The following DDHD1 variants were observed in gnomAD, a reference collection of about 807,000 sequenced individuals.
The protein encoded by DDHD1 is DDHD domain containing 1.
DDHD1 carries 49 observed loss-of-function variants against 96.4 expected under a neutral mutation model. The ratio of observed to expected loss-of-function variants is 0.51; its 90% CI spans 0.40 to 0.64. The LOEUF (loss-of-function observed/expected upper bound fraction) is 0.64, where lower values mean the gene tolerates loss of function less well. Ranked by LOEUF, DDHD1 falls within the 30% of genes least tolerant of loss-of-function variation. DDHD1 has a pLI of 0.00. For missense variants in DDHD1, 1,106 were observed against 1,161.2 expected (o/e 0.95, Z 0.69); for synonymous variants, 442 against 446.5 (o/e 0.99, Z 0.13).
chr14:53,094,843 CAAAAAAA>C (rs35080055), intron 2 of DDHD1, among the ~76,000 whole-genome samples: 4,665 of 141,326 alleles, frequency 0.033, 245 homozygotes, highest in African/African-American at 0.11. Context: ...GATCCTGTCT[CAAAAAAA>C]AAAAAAAAAT....
intron 2 of DDHD1, 59 bp downstream of exon 2, chr14:53,103,624 A>G (rs1887475705): frequency 7.3e-7 from 1 of 1,377,374 alleles, no homozygotes; most frequent in Non-Finnish European, 9.7e-7. Flanking sequence ...AACCACTCTA[A>G]ACTTTATCAA....
chr14:53,103,569 A>G (rs1887470799), intron 2 of DDHD1, 114 bp downstream of exon 2: 1 of 882,398 alleles, frequency 1.1e-6, no homozygotes, highest in Non-Finnish European at 1.6e-6. Flanking sequence ...AAAAAAATCA[A>G]ATTTTCTAAT....
At chr14:53,082,627 C>T (rs558230429) in intron 4 of DDHD1, among the ~76,000 whole-genome samples, 57 of 151,374 alleles carry the variant, frequency 3.8e-4, no homozygotes, top group African/African-American at 1.1e-3. Context: ...GGTGTGGTGA[C>T]GTGTGACTGT....
At chr14:53,059,028 G>A (rs1883305377) in intron 8 of DDHD1, among the ~76,000 whole-genome samples, 1 of 152,204 alleles carries the variant, frequency 6.6e-6, no homozygotes, top group South Asian at 2.1e-4. Context: ...TAAAATACGT[G>A]CATAACAGAG....
chr14:53,149,623 G>C (rs1206679113), intron 1 of DDHD1, among the ~76,000 whole-genome samples: 1 of 152,152 alleles, frequency 6.6e-6, no homozygotes, highest in Non-Finnish European at 1.5e-5. Context: ...GCTTATACAA[G>C]GGCTTGGACA....
chr14:53,140,831 T>C lies in DDHD1; in HGVS notation c.838+11430A>G, dbSNP rs1019982766. Among the ~76,000 whole-genome samples the C allele has an allele frequency of 8.5e-5, 13 of 152,218 alleles. No homozygotes were observed. The South Asian group carries it at 2.7e-3, about 32-fold the overall frequency. On this transcript the variant is annotated intron_variant, in intron 1 of 12. Coordinates refer to ENST00000673822, the MANE Select transcript of DDHD1 (RefSeq NM_001160148.2). ...ATTTTAAAAAGCAAGACCCAACAGA[T>C]AGGTAAAGACACATACAGGTTTAAA...
chr14:53,109,486 G>A (rs1887948063), intron 1 of DDHD1, among the ~76,000 whole-genome samples: 1 of 152,144 alleles, frequency 6.6e-6, no homozygotes, highest in African/African-American at 2.4e-5. Context: ...CCATTGTAAT[G>A]TGCTATTTCC....
chr14:53,147,143 C>G (rs1401051245), intron 1 of DDHD1, among the ~76,000 whole-genome samples: 1 of 152,128 alleles, frequency 6.6e-6, no homozygotes, highest in Non-Finnish European at 1.5e-5. Context: ...CTTTCCTCCC[C>G]CAGTGTCCAT....
At chr14:53,124,168 G>A (rs1595223046) in intron 1 of DDHD1, among the ~76,000 whole-genome samples, 1 of 151,816 alleles carries the variant, frequency 6.6e-6, no homozygotes, top group East Asian at 1.9e-4. Context: ...CTGGGAGGCA[G>A]AGGTTACAGT....
intron 1 of DDHD1, among the ~76,000 whole-genome samples, chr14:53,112,654 T>C (rs764961420): frequency 2.0e-5 from 3 of 152,228 alleles, no homozygotes; most frequent in Non-Finnish European, 2.9e-5. Flanking sequence ...ATACTTATAA[T>C]CTGCTTAAAA....
intron 1 of DDHD1, among the ~76,000 whole-genome samples, chr14:53,109,252 G>A (rs1314632587): frequency 6.6e-6 from 1 of 152,154 alleles, no homozygotes; most frequent in Admixed American, 6.5e-5. Context: ...CTCTGAAGCT[G>A]CTGCTTGTGG....
chr14:53,100,235 G>A (rs140971048), intron 2 of DDHD1, among the ~76,000 whole-genome samples: 4 of 152,054 alleles, frequency 2.6e-5, no homozygotes, highest in African/African-American at 7.2e-5. Flanking sequence ...GGCACTTTGT[G>A]GGGGCTGAAG....
chr14:53,141,911 C>T (rs75928552), intron 1 of DDHD1, among the ~76,000 whole-genome samples: 113 of 152,158 alleles, frequency 7.4e-4, no homozygotes, highest in Non-Finnish European at 1.3e-3. Flanking sequence ...ACCCCAAATA[C>T]AACAGGTTTA....
At chr14:53,091,747 C>A (rs772593006) in intron 4 of DDHD1, 38 bp downstream of exon 4, 1 of 1,595,416 alleles carries the variant, frequency 6.3e-7, no homozygotes, top group South Asian at 1.1e-5. Context: ...AGTTTGGATT[C>A]TAGATTAGAT....
Position 53,046,935 on chromosome 14 carries a change from T to C in DDHD1, c.2536A>G (p.Arg846Gly). ...CCTTCTCTGAGTTCAAAATCAATCCTGTGATCCAACTCCACTAAAAAGAAA... is the reference window on the plus strand; with the variant it reads ...CCTTCTCTGAGTTCAAAATCAATCCCGTGATCCAACTCCACTAAAAAGAAA... The part of the protein sequence containing the change: ...KDNALVELDH[R>G]IDFELREGLV... The change falls in exon 13 of 13, where the codon AGG becomes GGG. Residue 846 changes from arginine (R) to glycine (G), a missense_variant. Physicochemically the swap from Arg to Gly is moderately radical, Grantham distance 125. Transcript: ENST00000673822. The C allele has an allele frequency of 1.2e-6, 2 of 1,606,884 alleles. No individual in the cohort carries two copies. The highest frequency in any genetic ancestry group is 8.5e-7 in the Non-Finnish European group (1 of 1,177,088).
intron 1 of DDHD1, among the ~76,000 whole-genome samples, chr14:53,115,578 T>C (rs1888480491): frequency 6.6e-6 from 1 of 152,208 alleles, no homozygotes; most frequent in African/African-American, 2.4e-5. Context: ...ATATTCAACA[T>C]TCTTAAGGAA....
At chr14:53,059,863 C>CA (rs60708379) in intron 8 of DDHD1, among the ~76,000 whole-genome samples, 1,358 of 18,388 alleles carry the variant, frequency 0.074, 235 homozygotes, top group Non-Finnish European at 0.092. Context: ...GACTCTGTCT[C>CA]AAAAAAAAAA....
In DDHD1 at chr14:53,153,175, G is replaced by A. The variant is rs1002681987; in HGVS notation, c.-77C>T. 1.1e-5 allele frequency: 13 copies of A among 1,214,256 alleles called. No individual in the cohort carries two copies. The African/African-American group carries it at 1.3e-4, about 12-fold the overall frequency. 75.2% of individuals were successfully genotyped at this position (1,214,256 alleles called of 1,614,324 possible). A position where few individuals can be genotyped will look rare whatever the true frequency, so the allele number is the denominator to read the frequency against. ...GCGCTTCCGCCACACATTCAACGCC[G>A]CCGCCCTCTCCACCCGAAGTTTCTA... On this transcript the variant is annotated 5_prime_UTR_variant, in exon 1 of 13. Transcript: ENST00000673822.
At position 53,130,784 on chromosome 14, in the gene DDHD1, C is replaced by T. The variant is rs182835996; in HGVS notation, c.838+21477G>A. ...TGGAAATCGGACTGTCCAACTTGCC[C>T]GGCAGCCACTCCCAGAGCCCTGGAA... On this transcript the variant is annotated intron_variant, in intron 1 of 12. Transcript: ENST00000673822. 4.5e-4 allele frequency among the ~76,000 whole-genome samples: 68 copies of T among 152,324 alleles called. 2 individuals are homozygous for T. In the South Asian group the frequency reaches 6.4e-3, roughly 14 times the overall value.
Sources: allele counts gnomAD v4.1 joint callset (sites outside exome capture counted in the v4.1 genomes callset), GRCh38; gene constraint gnomAD v4.1.1; transcripts MANE v1.5; gene names NCBI Gene and HGNC (gene_info 2026-07-23, HGNC 2026-07-21).